AFG2A: variants seen among roughly 807,000 people sequenced by gnomAD.
AFG2A encodes the protein AAA ATPase AFG2A, also known as ATPase family gene 2 protein homolog A.
chr4:123,168,016 T>A, the AFG2A span, among the ~76,000 whole-genome samples: 2 of 152,168 alleles, frequency 1.3e-5, no homozygotes, highest in Non-Finnish European at 2.9e-5. Context: ...ACTGATTGTT[T>A]TATATTCAAA....
chr4:123,261,590 A>G, the AFG2A span, among the ~76,000 whole-genome samples: 2 of 152,104 alleles, frequency 1.3e-5, no homozygotes, highest in African/African-American at 4.8e-5. Flanking sequence ...GGATTTTGGT[A>G]TCTAAGGGGC....
the AFG2A span, among the ~76,000 whole-genome samples, chr4:123,013,682 C>T: frequency 1.6e-3 from 237 of 152,248 alleles, 2 homozygotes; most frequent in African/African-American, 5.5e-3. Flanking sequence ...TTGGTAGGTG[C>T]AGCAAATCTC....
chr4:123,135,177 A>T, the AFG2A span, among the ~76,000 whole-genome samples: 2,324 of 152,262 alleles, frequency 0.015, 59 homozygotes, highest in African/African-American at 0.053. Context: ...ATTTCAATAG[A>T]TGCAGAAAAA....
At chr4:123,138,499 C>T in the AFG2A span, among the ~76,000 whole-genome samples, 1 of 151,944 alleles carries the variant, frequency 6.6e-6, no homozygotes, top group Non-Finnish European at 1.5e-5. Flanking sequence ...TAAATGTATT[C>T]CAGAAACTTT....
the AFG2A span, among the ~76,000 whole-genome samples, chr4:122,941,471 G>T: frequency 2.6e-5 from 4 of 152,186 alleles, no homozygotes; most frequent in East Asian, 1.9e-4. Context: ...TGTGATTTTT[G>T]TACATTGATT....
the AFG2A span, among the ~76,000 whole-genome samples, chr4:123,083,360 G>A: frequency 3.6e-4 from 55 of 151,688 alleles, no homozygotes; most frequent in African/African-American, 1.2e-3. Flanking sequence ...CCAATAATGG[G>A]TATTGGATTT....
the AFG2A span, among the ~76,000 whole-genome samples, chr4:123,113,247 A>G: frequency 6.6e-6 from 1 of 152,186 alleles, no homozygotes; most frequent in Admixed American, 6.5e-5. Flanking sequence ...TGCTAGGAGG[A>G]TGAGTTAATG....
the AFG2A span, among the ~76,000 whole-genome samples, chr4:123,075,911 C>A: frequency 6.7e-6 from 1 of 149,902 alleles, no homozygotes; most frequent in Non-Finnish European, 1.5e-5. Flanking sequence ...GAGCCGAGAT[C>A]ATGCCATTGC....
At chr4:122,935,693 G>A in the AFG2A span, 1 of 1,558,240 alleles carries the variant, frequency 6.4e-7, no homozygotes, top group Non-Finnish European at 8.6e-7. Flanking sequence ...TGAATCTAGT[G>A]TTTTCTACTT....
the AFG2A span, among the ~76,000 whole-genome samples, chr4:123,198,768 A>G: frequency 1.3e-5 from 2 of 152,176 alleles, no homozygotes; most frequent in Non-Finnish European, 2.9e-5. Context: ...CTTTGCTAAA[A>G]TTGACCTGCA....
At chr4:123,285,170 T>C in the AFG2A span, among the ~76,000 whole-genome samples, 1 of 152,066 alleles carries the variant, frequency 6.6e-6, no homozygotes, top group Middle Eastern at 3.2e-3. Flanking sequence ...TCTCCAATTA[T>C]AATAACCAGC....
At chr4:123,296,312 G>C in the AFG2A span, among the ~76,000 whole-genome samples, 3 of 152,202 alleles carry the variant, frequency 2.0e-5, no homozygotes, top group African/African-American at 7.2e-5. Flanking sequence ...TGGGAGACTG[G>C]ATAGGATATA....
the AFG2A span, among the ~76,000 whole-genome samples, chr4:122,967,355 T>C: frequency 6.6e-6 from 1 of 152,008 alleles, no homozygotes; most frequent in Admixed American, 6.6e-5. Context: ...GCTATGATTG[T>C]ACCACTGCAC....
the AFG2A span, chr4:123,028,093 G>A: frequency 3.2e-3 from 3,168 of 1,000,500 alleles, 71 homozygotes; most frequent in African/African-American, 0.039. Flanking sequence ...ATTCTTTTTT[G>A]CAGTTCTTCT....
At chr4:122,925,327 C>T in the AFG2A span, among the ~76,000 whole-genome samples, 1 of 152,198 alleles carries the variant, frequency 6.6e-6, no homozygotes, top group Non-Finnish European at 1.5e-5. Flanking sequence ...CCCCTTATTC[C>T]TTTTCCATTC....
the AFG2A span, chr4:123,056,488 T>C: frequency 6.6e-7 from 1 of 1,520,390 alleles, no homozygotes; most frequent in Non-Finnish European, 9.0e-7. Flanking sequence ...GAATCACACT[T>C]CTGTCCTGTG....
chr4:123,137,317 T>C, the AFG2A span, among the ~76,000 whole-genome samples: 1 of 152,242 alleles, frequency 6.6e-6, no homozygotes, highest in African/African-American at 2.4e-5. Flanking sequence ...TCTATTCTTT[T>C]GGTTCCTGAG....
chr4:122,926,606 G>C, the AFG2A span, among the ~76,000 whole-genome samples: 1 of 152,050 alleles, frequency 6.6e-6, no homozygotes, highest in Non-Finnish European at 1.5e-5. Flanking sequence ...TCCTTTCCTT[G>C]ATTTAATTTC....
the AFG2A span, among the ~76,000 whole-genome samples, chr4:123,035,873 A>C: frequency 6.6e-6 from 1 of 152,144 alleles, no homozygotes; most frequent in Non-Finnish European, 1.5e-5. Context: ...TTTTATAAGG[A>C]ATTTTATAAG....
Sources: gnomAD v4.1 joint callset for allele counts (sites outside exome capture counted in the v4.1 genomes callset) on GRCh38, gnomAD v4.1.1 for gene constraint, MANE v1.5 for transcripts, NCBI Gene and HGNC (gene_info 2026-07-23, HGNC 2026-07-21) for gene names.